ANO3: variants seen among roughly 807,000 people sequenced by gnomAD.
The protein encoded by ANO3 is anoctamin 3, also known as anoctamin-3.
A neutral mutation model predicts 144.8 loss-of-function variants in ANO3; 99 were observed. That is an observed-to-expected ratio of 0.68 (90% CI 0.58 to 0.81). ANO3 has a LOEUF of 0.81. Among genes scored for constraint, ANO3 ranks in the 30% least tolerant of loss-of-function variants. The probability of loss-of-function intolerance (pLI) is 0.00; values close to 1 mark genes in which losing one functional copy is unlikely to be tolerated. For synonymous variants in ANO3, 414 were observed against 392.6 expected, an observed-to-expected ratio of 1.05 and a Z score of -0.64; for missense variants, 905 against 1,202.2, an observed-to-expected ratio of 0.75 and a Z score of 3.66.
rs550057766 is a variant in ANO3 at position 26,586,503 on chromosome 11, C to CTTTTTTTT, written c.1448-11851_1448-11844dup. On this transcript the variant is annotated intron_variant, in intron 14 of 26. Transcript: ENST00000256737. ...AAGAAGGGGCTTCCCTGGTGAGAATCTTTTTTTTTTTTTTTTTTGAGACAT... is the reference window on the plus strand; with the variant it reads ...AAGAAGGGGCTTCCCTGGTGAGAATCTTTTTTTTTTTTTTTTTTTTTTTTTTGAGACAT... 1.4e-3 allele frequency among the ~76,000 whole-genome samples: 116 copies of CTTTTTTTT among 81,442 alleles called. 14 individuals carry two copies. The highest frequency in any genetic ancestry group is 2.3e-3 in the African/African-American group (43 of 19,050). 53.4% of individuals were successfully genotyped at this position (81,442 alleles called of 152,430 possible).
chr11:26,407,751 C>T (rs901972164), intron 1 of ANO3, among the ~76,000 whole-genome samples: 5 of 151,750 alleles, frequency 3.3e-5, no homozygotes, highest in African/African-American at 1.2e-4. Flanking sequence ...GTTTAAATTC[C>T]TCAATATACC....
intron 12 of ANO3, among the ~76,000 whole-genome samples, chr11:26,548,380 T>G (rs1849843756): frequency 6.6e-6 from 1 of 151,930 alleles, no homozygotes. Context: ...TATTATCAAC[T>G]TTGACTTTGT....
chr11:26,596,790 CAT>C (rs1851641893), intron 14 of ANO3, among the ~76,000 whole-genome samples: 1 of 152,194 alleles, frequency 6.6e-6, no homozygotes, highest in African/African-American at 2.4e-5. Flanking sequence ...GGGGCACACA[CAT>C]GGGCAACTGT....
At chr11:26,650,435 TC>T (rs1853494630) in intron 24 of ANO3, among the ~76,000 whole-genome samples, 1 of 146,160 alleles carries the variant, frequency 6.8e-6, no homozygotes, top group African/African-American at 2.5e-5. Context: ...CAGATCTCCT[TC>T]AGGGGTCCAT....
intron 1 of ANO3, among the ~76,000 whole-genome samples, chr11:26,209,140 C>T (rs991248937): frequency 1.1e-4 from 16 of 152,148 alleles, no homozygotes; most frequent in African/African-American, 3.9e-4. Context: ...TGCTATCCCT[C>T]CCCTAGCCTG....
At chr11:26,304,284 G>A (rs1854310972) in intron 1 of ANO3, among the ~76,000 whole-genome samples, 1 of 151,950 alleles carries the variant, frequency 6.6e-6, no homozygotes, top group Non-Finnish European at 1.5e-5. Flanking sequence ...AGTACCTATA[G>A]CAATGGCAAA....
chr11:26,486,360 CAAAAAAAA>C (rs10681114), intron 4 of ANO3, among the ~76,000 whole-genome samples: 1 of 74,334 alleles, frequency 1.3e-5, no homozygotes, highest in Non-Finnish European at 2.6e-5. Context: ...GACTCTGTCT[CAAAAAAAA>C]AAAAAAAAAA....
At position 26,493,417 on chromosome 11, in the gene ANO3, G is replaced by T. The variant is rs542197146; in HGVS notation, c.433-14687G>T. 6.1e-4 allele frequency among the ~76,000 whole-genome samples: 93 copies of T among 152,220 alleles called. No individual in the cohort carries two copies. In the Middle Eastern group the frequency reaches 0.02, roughly 33 times the overall value. On this transcript the variant is annotated intron_variant, in intron 4 of 26. Transcript: ENST00000256737. ...AGGGCCAATATTGGCTAAAAGATAAGCATAGTTTTAATGACCTTCCAAACC... is the reference window on the plus strand; with the variant it reads ...AGGGCCAATATTGGCTAAAAGATAATCATAGTTTTAATGACCTTCCAAACC...
At chr11:26,211,071 A>T (rs1277563665) in intron 1 of ANO3, among the ~76,000 whole-genome samples, 4 of 152,100 alleles carry the variant, frequency 2.6e-5, no homozygotes, top group Non-Finnish European at 5.9e-5. Context: ...TCAGCACCAC[A>T]TCACACTTAT....
intron 1 of ANO3, among the ~76,000 whole-genome samples, chr11:26,214,553 C>T (rs1851999947): frequency 1.3e-5 from 2 of 151,942 alleles, no homozygotes; most frequent in African/African-American, 4.8e-5. Flanking sequence ...AGTTTGTCCT[C>T]TACTCAATTT....
rs78147820 is a variant in ANO3, at chr11:26,484,124, T to C, written c.432+20976T>C. The stretch of plus-strand genomic sequence containing the variant: ...CTGGCTGCTTCTAGTAGGCTATCCT[T>C]ATGAGCAAAGAGATCACATGGAACT... On this transcript the variant is annotated intron_variant, in intron 4 of 26. Transcript: ENST00000256737. 8.7e-4 allele frequency among the ~76,000 whole-genome samples: 132 copies of C among 152,256 alleles called. 1 individual carries two copies. In the East Asian group the frequency reaches 0.021, roughly 24 times the overall value.
At chr11:26,342,892 T>C (rs1337393538) in intron 1 of ANO3, among the ~76,000 whole-genome samples, 1 of 152,218 alleles carries the variant, frequency 6.6e-6, no homozygotes, top group African/African-American at 2.4e-5. Context: ...TATATATATT[T>C]AGGGTGTTTT....
intron 17 of ANO3, among the ~76,000 whole-genome samples, chr11:26,615,414 A>ATATATATTTTTTT (rs1352935016): frequency 2.5e-4 from 33 of 130,672 alleles, no homozygotes; most frequent in African/African-American, 9.5e-4. Context: ...ATATATATAT[A>ATATATATTTTTTT]TTTTTTTTTT....
chr11:26,467,542 C>T (rs1859642002), intron 4 of ANO3, among the ~76,000 whole-genome samples: 1 of 151,948 alleles, frequency 6.6e-6, no homozygotes, highest in African/African-American at 2.4e-5. Context: ...GTCTGTCTTT[C>T]TGTGCCTGAC....
rs1468360551 is a variant in ANO3, at chr11:26,455,230, TAGGCAGGAGA to T, written c.314-7796_314-7787del. Among the ~76,000 whole-genome samples the T allele has an allele frequency of 2.0e-5, 3 of 149,508 alleles. No homozygotes were observed. The Admixed American group carries it at 2.0e-4, about 10-fold the overall frequency. On this transcript the variant is annotated intron_variant, in intron 3 of 26. Coordinates refer to ENST00000256737, the MANE Select transcript of ANO3 (RefSeq NM_031418.4). ...TGTTGGAAGTTCTGGCCAGGGCAAT[TAGGCAGGAGA>T]AGGAAATAAATGGTATTCAATTAGG...
chr11:26,465,273 T>TAGATAGAC, intron 4 of ANO3, among the ~76,000 whole-genome samples: 1 of 12,974 alleles, frequency 7.7e-5, no homozygotes, highest in Admixed American at 8.0e-4. Flanking sequence ...TGAACCTATT[T>TAGATAGAC]AGATAGATAG....
chr11:26,543,445 C>T (rs906045694), intron 11 of ANO3, among the ~76,000 whole-genome samples: 1 of 135,356 alleles, frequency 7.4e-6, no homozygotes, highest in African/African-American at 2.7e-5. Flanking sequence ...CATCCACCAC[C>T]AAACGCTTTT....
At chr11:26,635,220 T>C in intron 20 of ANO3, 150 bp downstream of exon 20, 1 of 590,502 alleles carries the variant, frequency 1.7e-6, no homozygotes, top group Non-Finnish European at 2.8e-6. Context: ...ACTACATCTT[T>C]TCAAAAAAGG....
intron 1 of ANO3, among the ~76,000 whole-genome samples, chr11:26,373,000 T>C (rs181735086): frequency 1.2e-4 from 18 of 152,352 alleles, no homozygotes; most frequent in Non-Finnish European, 2.5e-4. Flanking sequence ...TAATTTTTAC[T>C]ACCTAGAAAT....
Sources: gnomAD v4.1 joint callset for allele counts (sites outside exome capture counted in the v4.1 genomes callset) on GRCh38, gnomAD v4.1.1 for gene constraint, MANE v1.5 for transcripts, NCBI Gene and HGNC (gene_info 2026-07-23, HGNC 2026-07-21) for gene names.